The following TSHZ2 variants were observed in gnomAD, a reference collection of about 807,000 sequenced individuals.
The protein encoded by TSHZ2 is teashirt homolog 2.
TSHZ2 carries 21 observed loss-of-function variants against 74.4 expected under a neutral mutation model. The ratio of observed to expected loss-of-function variants is 0.28; its 90% CI spans 0.20 to 0.41. TSHZ2 has a LOEUF of 0.41. Among genes scored for constraint, TSHZ2 ranks in the 10% least tolerant of loss-of-function variants. The pLI, the probability that TSHZ2 is intolerant of heterozygous loss-of-function variation, is 1.00. For synonymous variants in TSHZ2, 540 were observed against 515.3 expected, an observed-to-expected ratio of 1.05 and a Z score of -0.65; for missense variants, 1,244 against 1,293.5, an observed-to-expected ratio of 0.96 and a Z score of 0.59.
Position 53,483,235 on chromosome 20 carries a change from G to A in TSHZ2, c.*9-3909G>A, listed in dbSNP as rs372950582. 8.3e-5 allele frequency among the ~76,000 whole-genome samples: 10 copies of A among 120,442 alleles called. 3 individuals carry two copies. The highest frequency in any genetic ancestry group is 8.1e-5 in the Admixed American group (1 of 12,336). 79.0% of individuals were successfully genotyped at this position (120,442 alleles called of 152,430 possible). A position where few individuals can be genotyped will look rare whatever the true frequency, so the allele number is the denominator to read the frequency against. On this transcript the variant is annotated intron_variant, in intron 2 of 2. Transcript: ENST00000371497. Reference sequence around the variant, plus strand: ...AGAATGGCTTGGCCTGGGCAACATGGCAAAACCCTGTCTGTACAAAAAATA... The same window carrying A: ...AGAATGGCTTGGCCTGGGCAACATGACAAAACCCTGTCTGTACAAAAAATA...
At position 53,454,299 on chromosome 20, in the gene TSHZ2, C is replaced by A. The variant is rs142709153; in HGVS notation, c.*9-32845C>A. Among the ~76,000 whole-genome samples, 1,100 of 152,256 alleles carry A rather than the reference C, an allele frequency of 7.2e-3. 15 individuals carry two copies. Among genetic ancestry groups the A allele is most frequent in the Non-Finnish European group, 6.7e-3 (454 of 68,022 alleles). ...TCTTTAAAGGCCAGGCGTGGTGGCT[C>A]ACACCTGTAATCCCAGCACTTTGGG... On this transcript the variant is annotated intron_variant, in intron 2 of 2. Coordinates refer to ENST00000371497, the MANE Select transcript of TSHZ2 (RefSeq NM_173485.6).
chr20:53,298,015 G>C (rs921129508), intron 2 of TSHZ2, among the ~76,000 whole-genome samples: 4 of 152,206 alleles, frequency 2.6e-5, no homozygotes, highest in Non-Finnish European at 5.9e-5. Context: ...ATCCATAAAG[G>C]AGCTTCTTGG....
At chr20:53,227,654 G>C (rs1426888648) in intron 1 of TSHZ2, among the ~76,000 whole-genome samples, 1 of 152,116 alleles carries the variant, frequency 6.6e-6, no homozygotes, top group Non-Finnish European at 1.5e-5. Context: ...CAAAACCCTT[G>C]TGTGTAATTC....
chr20:53,391,804 G>A (rs566585143), intron 2 of TSHZ2, among the ~76,000 whole-genome samples: 63 of 152,266 alleles, frequency 4.1e-4, no homozygotes, highest in African/African-American at 6.7e-4. Flanking sequence ...TTAGACAGAC[G>A]TGGTGGTGTG....
chr20:53,481,168 A>G (rs980670722), intron 2 of TSHZ2, among the ~76,000 whole-genome samples: 3 of 152,154 alleles, frequency 2.0e-5, no homozygotes, highest in African/African-American at 7.2e-5. Flanking sequence ...AATACTAACA[A>G]CAGTTCTCTT....
chr20:53,352,232 CTTTTTTTTTTTTTTTT>C (rs142220716), intron 2 of TSHZ2, among the ~76,000 whole-genome samples: 1 of 57,868 alleles, frequency 1.7e-5, no homozygotes, highest in Non-Finnish European at 3.1e-5. Flanking sequence ...CTCCTAAGCT[CTTTTTTTTTTTTTTTT>C]TTTTTTTTTT....
At chr20:53,203,580 G>A (rs1274995667) in intron 1 of TSHZ2, among the ~76,000 whole-genome samples, 3 of 152,112 alleles carry the variant, frequency 2.0e-5, no homozygotes, top group Non-Finnish European at 4.4e-5. Context: ...AGGCTAAGAA[G>A]TGGGTGGGAT....
chr20:53,213,837 G>A (rs1395381179), intron 1 of TSHZ2, among the ~76,000 whole-genome samples: 3 of 152,070 alleles, frequency 2.0e-5, no homozygotes, highest in Non-Finnish European at 4.4e-5. Flanking sequence ...CTTCTAAAGG[G>A]TAAGACTGTG....
chr20:52,984,263 C>A (rs1010406175), intron 1 of TSHZ2, among the ~76,000 whole-genome samples: 2 of 152,262 alleles, frequency 1.3e-5, no homozygotes, highest in Middle Eastern at 3.4e-3. Flanking sequence ...TGCCTGCCTT[C>A]CCGGAGCTTA....
At chr20:53,424,312 T>TG (rs1426946067) in intron 2 of TSHZ2, among the ~76,000 whole-genome samples, 3 of 152,190 alleles carry the variant, frequency 2.0e-5, no homozygotes, top group African/African-American at 4.8e-5. Flanking sequence ...CTCTTTCCCC[T>TG]GGGGGGCAAG....
intron 2 of TSHZ2, among the ~76,000 whole-genome samples, chr20:53,289,855 G>T (rs1006368323): frequency 6.6e-6 from 1 of 152,158 alleles, no homozygotes; most frequent in South Asian, 2.1e-4. Context: ...TTGAAATTTT[G>T]CAATGAGTGC....
At chr20:53,232,607 T>C (rs73272856) in intron 1 of TSHZ2, among the ~76,000 whole-genome samples, 18,739 of 152,236 alleles carry the variant, frequency 0.12, 1,289 homozygotes, top group Non-Finnish European at 0.15. Flanking sequence ...GTCCTCTTCA[T>C]AATCATAATA....
At chr20:53,033,077 G>C (rs1052390304) in intron 1 of TSHZ2, among the ~76,000 whole-genome samples, 1 of 152,234 alleles carries the variant, frequency 6.6e-6, no homozygotes, top group South Asian at 2.1e-4. Flanking sequence ...TGCCCAGAAA[G>C]TTGATAGAAC....
chr20:53,344,660 G>C (rs1201002354), intron 2 of TSHZ2, among the ~76,000 whole-genome samples: 2 of 152,162 alleles, frequency 1.3e-5, no homozygotes, highest in South Asian at 4.1e-4. Flanking sequence ...CAGTGACACT[G>C]TATTTATACT....
intron 1 of TSHZ2, among the ~76,000 whole-genome samples, chr20:53,202,042 T>G (rs565191205): frequency 1.5e-4 from 23 of 152,318 alleles, no homozygotes; most frequent in Admixed American, 1.2e-3. Flanking sequence ...GAGACTACCT[T>G]TGCATATGTG....
chr20:52,980,977 T>A (rs1384043826), intron 1 of TSHZ2, among the ~76,000 whole-genome samples: 6 of 152,218 alleles, frequency 3.9e-5, no homozygotes, highest in African/African-American at 1.4e-4. Flanking sequence ...TGGGCCAAGA[T>A]GATGCTGTAG....
chr20:53,297,859 G>C (rs1038625180), intron 2 of TSHZ2, among the ~76,000 whole-genome samples: 1 of 152,222 alleles, frequency 6.6e-6, no homozygotes, highest in Admixed American at 6.5e-5. Context: ...ATTATCATGT[G>C]ACCTATTTGA....
chr20:53,349,905 G>A (rs1212734893), intron 2 of TSHZ2, among the ~76,000 whole-genome samples: 3 of 152,146 alleles, frequency 2.0e-5, no homozygotes, highest in Non-Finnish European at 4.4e-5. Context: ...AAATTAAGGT[G>A]TCAGCAGAAT....
At chr20:53,434,794 G>T (rs554398960) in intron 2 of TSHZ2, among the ~76,000 whole-genome samples, 1 of 152,226 alleles carries the variant, frequency 6.6e-6, no homozygotes, top group Non-Finnish European at 1.5e-5. Context: ...GTGACCATCT[G>T]CCTGGCAGCA....
Sources: gnomAD v4.1 joint callset for allele counts (sites outside exome capture counted in the v4.1 genomes callset) on GRCh38, gnomAD v4.1.1 for gene constraint, MANE v1.5 for transcripts, NCBI Gene and HGNC (gene_info 2026-07-23, HGNC 2026-07-21) for gene names.